The following ALOX5AP variants were observed in gnomAD, a reference collection of about 807,000 sequenced individuals.
ALOX5AP encodes arachidonate 5-lipoxygenase-activating protein.
In ALOX5AP, 9 loss-of-function variants were observed where a neutral mutation model predicts 18.5. The observed-to-expected ratio is 0.49, with a 90% CI of 0.29 to 0.85. The LOEUF is 0.85. Among genes scored for constraint, ALOX5AP ranks in the 40% least tolerant of loss-of-function variants. The pLI is 0.08. For missense variants in ALOX5AP, 172 were observed against 202.5 expected, an observed-to-expected ratio of 0.85 and a Z score of 0.91; for synonymous variants, 81 against 78.6, an observed-to-expected ratio of 1.03 and a Z score of -0.16.
intron 4 of ALOX5AP, among the ~76,000 whole-genome samples, chr13:30,761,723 T>C (rs968512760): frequency 6.6e-6 from 1 of 152,204 alleles, no homozygotes; most frequent in South Asian, 2.1e-4. Context: ...CCTTGGCTTA[T>C]AGAGTGCCAC....
chr13:30,732,469 T>C (rs565675714), upstream of ALOX5AP, among the ~76,000 whole-genome samples: 4 of 152,304 alleles, frequency 2.6e-5, no homozygotes, highest in South Asian at 8.3e-4. Context: ...GACAGTCAAG[T>C]GCAAGAGTGA....
At chr13:30,744,545 C>T (rs80042253) in intron 2 of ALOX5AP, 98 of 167,252 alleles carry the variant, frequency 5.9e-4, no homozygotes, top group African/African-American at 2.0e-3. Context: ...GACATGCTGA[C>T]GACAGCCTTC....
At chr13:30,725,178 T>C (rs2137791803) in intron 1 of ALOX5AP, among the ~76,000 whole-genome samples, 1 of 152,034 alleles carries the variant, frequency 6.6e-6, no homozygotes, top group South Asian at 2.1e-4. Flanking sequence ...TCACAGAGAG[T>C]GGTTAATCGT....
chr13:30,727,611 G>A (rs1296787386), intron 1 of ALOX5AP, among the ~76,000 whole-genome samples: 1 of 152,166 alleles, frequency 6.6e-6, no homozygotes, highest in African/African-American at 2.4e-5. Flanking sequence ...GTCTCACATT[G>A]TTGGGAATCT....
intron 1 of ALOX5AP, among the ~76,000 whole-genome samples, chr13:30,715,033 C>G (rs1250959573): frequency 6.6e-6 from 1 of 152,184 alleles, no homozygotes; most frequent in Admixed American, 6.5e-5. Context: ...GGAGGCTTGT[C>G]CTCTCTCTGG....
chr13:30,723,522 G>T (rs79076020), intron 1 of ALOX5AP, among the ~76,000 whole-genome samples: 1 of 152,172 alleles, frequency 6.6e-6, no homozygotes, highest in African/African-American at 2.4e-5. Context: ...ACTTGACTTG[G>T]CTCTAAAGGA....
At chr13:30,761,830 C>G (rs1951944543) in intron 4 of ALOX5AP, among the ~76,000 whole-genome samples, 1 of 152,202 alleles carries the variant, frequency 6.6e-6, no homozygotes, top group South Asian at 2.1e-4. Context: ...TGAGGATCCA[C>G]CCATATGAGT....
Position 30,744,079 on chromosome 13 carries a change from G to A in ALOX5AP, c.90G>A (p.Val30=). Reference sequence around the variant, plus strand: ...TGGCAGGATTCTTTGCCCATAAAGTGGAGCACGAAAGCAGGACCCAGAATG... The same window carrying A: ...TGGCAGGATTCTTTGCCCATAAAGTAGAGCACGAAAGCAGGACCCAGAATG... ...VVQNGFFAHK[V]EHESRTQNGR... Residue 30 remains valine, a synonymous_variant, in exon 2 of 5, where the codon GTG becomes GTA. Transcript: ENST00000380490. The A allele has an allele frequency of 1.2e-6, 2 of 1,614,126 alleles. No homozygotes were observed. The highest frequency in any genetic ancestry group is 1.7e-6 in the Non-Finnish European group (2 of 1,179,986).
chr13:30,751,217 C>T (rs1185909445), intron 2 of ALOX5AP, among the ~76,000 whole-genome samples: 2 of 152,154 alleles, frequency 1.3e-5, no homozygotes, highest in East Asian at 3.8e-4. Context: ...GTGCTTGCCA[C>T]CACACCTGGC....
chr13:30,739,912 T>C (rs763541892), intron 1 of ALOX5AP, among the ~76,000 whole-genome samples: 1 of 152,232 alleles, frequency 6.6e-6, no homozygotes, highest in Non-Finnish European at 1.5e-5. Flanking sequence ...CACTCCCTGC[T>C]CAAGAAGTTC....
chr13:30,747,265 C>A lies in ALOX5AP; in HGVS notation c.170+3106C>A, dbSNP rs138039428. Among the ~76,000 whole-genome samples, 41 of 152,376 alleles carry A rather than the reference C, an allele frequency of 2.7e-4. 1 individual carries two copies. Among genetic ancestry groups the A allele is most frequent in the African/African-American group, 9.1e-4 (38 of 41,584 alleles). On this transcript the variant is annotated intron_variant, in intron 2 of 4. Coordinates refer to ENST00000380490, the MANE Select transcript of ALOX5AP (RefSeq NM_001629.4). ...GATCTTGGCTCACTGCAACCTCGGCCTCCCAGGTTCAAGTTATTCTCCTGC... is the reference window on the plus strand; with the variant it reads ...GATCTTGGCTCACTGCAACCTCGGCATCCCAGGTTCAAGTTATTCTCCTGC...
At chr13:30,720,192 T>C (rs923726044) in intron 1 of ALOX5AP, among the ~76,000 whole-genome samples, 1 of 152,212 alleles carries the variant, frequency 6.6e-6, no homozygotes, top group Non-Finnish European at 1.5e-5. Flanking sequence ...TGCTTTTGCA[T>C]TTGGAAAATG....
Position 30,745,913 on chromosome 13 carries a change from T to C in ALOX5AP, c.170+1754T>C, listed in dbSNP as rs191952974. On this transcript the variant is annotated intron_variant, in intron 2 of 4. Coordinates refer to ENST00000380490, the MANE Select transcript of ALOX5AP (RefSeq NM_001629.4). Reference sequence around the variant, plus strand: ...GGTGACTGCATTCTCACTGGTCACATTGTGTTCCTATGGACTCCTCAGCTC... The same window carrying C: ...GGTGACTGCATTCTCACTGGTCACACTGTGTTCCTATGGACTCCTCAGCTC... Among the ~76,000 whole-genome samples, 7 of 152,370 alleles carry C rather than the reference T, an allele frequency of 4.6e-5. No homozygotes were observed. The East Asian group carries it at 1.3e-3, about 29-fold the overall frequency.
At chr13:30,761,007 C>T (rs750928999) in intron 4 of ALOX5AP, among the ~76,000 whole-genome samples, 2 of 152,196 alleles carry the variant, frequency 1.3e-5, no homozygotes, top group African/African-American at 4.8e-5. Flanking sequence ...CTTCCCTGCT[C>T]ACAGCATTTC....
Position 30,713,858 on chromosome 13 carries a change from G to C in ALOX5AP, c.116+17G>C, listed in dbSNP as rs58228189. ...TCAGTGCTGGTGTGTGTGTGTGTGCGCGCACACGCGCATGTGTGTGCATCT... is the reference window on the plus strand; with the variant it reads ...TCAGTGCTGGTGTGTGTGTGTGTGCCCGCACACGCGCATGTGTGTGCATCT... On this transcript the variant is annotated intron_variant, in intron 1 of 5. Transcript: ENST00000617770. 65 of 1,533,658 alleles carry C rather than the reference G, an allele frequency of 4.2e-5. 1 individual carries two copies. In the South Asian group the frequency reaches 7.0e-4, roughly 17 times the overall value.
upstream of ALOX5AP, among the ~76,000 whole-genome samples, chr13:30,733,680 G>A (rs934748030): frequency 6.6e-6 from 1 of 152,224 alleles, no homozygotes; most frequent in Admixed American, 6.5e-5. Flanking sequence ...GGAATCAGCG[G>A]ACTAAGTAAA....
Position 30,744,156 on chromosome 13 carries a change from C to CCTACACTA in ALOX5AP, c.168_169insTACACTAC (p.Asn57TyrfsTer8). On this transcript the variant is annotated frameshift_variant, in exon 2 of 5. Transcript: ENST00000380490. LOFTEE classifies it high-confidence loss of function. ...CTTGCCTTTGAGCGGGTCTACACTG[C>CCTACACTA]CAAGTGAGTCCTAACCCTGATGTTG... 1 of 1,613,658 alleles carries CCTACACTA rather than the reference C, an allele frequency of 6.2e-7. No individual in the cohort carries two copies. The highest frequency in any genetic ancestry group is 8.5e-7 in the Non-Finnish European group (1 of 1,179,668).
chr13:30,763,560 T>C (rs1380581219), intron 4 of ALOX5AP, among the ~76,000 whole-genome samples: 2 of 152,188 alleles, frequency 1.3e-5, no homozygotes, highest in Non-Finnish European at 2.9e-5. Context: ...TCTGTCGTTA[T>C]GGGCAGCTGC....
upstream of ALOX5AP, chr13:30,735,461 G>T: frequency 9.5e-4 from 978 of 1,032,608 alleles, no homozygotes; most frequent in Non-Finnish European, 1.2e-3. Flanking sequence ...AAAAAAAAAG[G>T]AAGAAGAAGG....
Sources: allele counts gnomAD v4.1 joint callset (sites outside exome capture counted in the v4.1 genomes callset), GRCh38; gene constraint gnomAD v4.1.1; transcripts MANE v1.5; gene names NCBI Gene and HGNC (gene_info 2026-07-23, HGNC 2026-07-21).